Variants in PKD1L3 observed in about 807,000 individuals in gnomAD.
PKD1L3 encodes the protein polycystin 1 like 3, transient receptor potential channel interacting.
In PKD1L3, 239 loss-of-function variants were observed where a neutral mutation model predicts 184.1. The observed-to-expected ratio is 1.30, with a 90% CI of 1.17 to 1.45. PKD1L3 has a LOEUF of 1.45. Ranked by LOEUF, PKD1L3 falls within the 40% of genes most tolerant of loss-of-function variation. The probability of loss-of-function intolerance (pLI) is 0.00; values close to 1 mark genes in which losing one functional copy is unlikely to be tolerated. For synonymous variants in PKD1L3, 996 were observed against 778.8 expected, an observed-to-expected ratio of 1.28 and a Z score of -4.64; for missense variants, 2,660 against 2,067.2, an observed-to-expected ratio of 1.29 and a Z score of -5.56.
intron 22 of PKD1L3, 142 bp from the exon 23 acceptor site, chr16:71,944,312 C>T: frequency 1.2e-6 from 1 of 826,414 alleles, no homozygotes; most frequent in Non-Finnish European, 1.9e-6. Flanking sequence ...TTCTTAAACT[C>T]TCTATTATAA....
At chr16:71,937,485 T>C in intron 24 of PKD1L3, 66 bp from the exon 25 acceptor site, 1 of 1,507,476 alleles carries the variant, frequency 6.6e-7, no homozygotes. Flanking sequence ...TGTTAAACTT[T>C]GTCTTTGAAT....
chr16:71,933,829 C>T (rs1322125615), intron 27 of PKD1L3, 86 bp downstream of exon 27: 1 of 1,434,914 alleles, frequency 7.0e-7, no homozygotes, highest in African/African-American at 1.4e-5. Context: ...CCTCGGGTTT[C>T]TGTGTTGTGA....
intron 12 of PKD1L3, among the ~76,000 whole-genome samples, chr16:71,970,462 C>G (rs1252396615): frequency 6.6e-6 from 1 of 152,080 alleles, no homozygotes; most frequent in African/African-American, 2.4e-5. Flanking sequence ...TACAAATGAA[C>G]AAGTACATAA....
chr16:71,979,738 G>C, intron 9 of PKD1L3, 48 bp downstream of exon 9: 2 of 1,460,140 alleles, frequency 1.4e-6, no homozygotes, highest in Non-Finnish European at 1.8e-6. Context: ...TGCCTACATG[G>C]CCATCAGATC....
chr16:71,964,264 G>A (rs940620388), intron 15 of PKD1L3, among the ~76,000 whole-genome samples: 1 of 141,934 alleles, frequency 7.0e-6, no homozygotes, highest in African/African-American at 2.6e-5. Flanking sequence ...TTTCCCCAAG[G>A]GTCTGTGTTT....
chr16:71,949,644 C>T, intron 21 of PKD1L3, 139 bp downstream of exon 21: 1 of 800,942 alleles, frequency 1.2e-6, no homozygotes, highest in South Asian at 1.8e-5. Flanking sequence ...TGAGCCACTA[C>T]ACCCAGCCTG....
intron 9 of PKD1L3, among the ~76,000 whole-genome samples, chr16:71,979,219 G>C (rs920559629): frequency 5.3e-5 from 8 of 152,154 alleles, no homozygotes; most frequent in Admixed American, 6.5e-5. Context: ...TCAGGTGGGT[G>C]AATCACTTGA....
intron 4 of PKD1L3, among the ~76,000 whole-genome samples, chr16:71,989,474 A>G (rs1374266462): frequency 6.6e-6 from 1 of 152,188 alleles, no homozygotes; most frequent in Non-Finnish European, 1.5e-5. Flanking sequence ...ATACTGTTAG[A>G]AACACTTATT....
chr16:71,963,668 AG>A (rs2039378398), intron 15 of PKD1L3, among the ~76,000 whole-genome samples: 1 of 152,116 alleles, frequency 6.6e-6, no homozygotes. Flanking sequence ...TGTAGTCCTG[AG>A]CTACTTGAAA....
At chr16:71,944,299 T>C (rs1188143159) in intron 22 of PKD1L3, 129 bp from the exon 23 acceptor site, 1 of 899,568 alleles carries the variant, frequency 1.1e-6, no homozygotes, top group East Asian at 2.6e-5. Flanking sequence ...ACCTATGCAG[T>C]GCTTCTTAAA....
intron 2 of PKD1L3, among the ~76,000 whole-genome samples, chr16:71,995,206 G>C (rs542837423): frequency 6.6e-6 from 1 of 152,068 alleles, no homozygotes; most frequent in Non-Finnish European, 1.5e-5. Context: ...CCCTCCCTCT[G>C]CCAAGTCCTT....
At chr16:71,992,202 G>A (rs774840195) in intron 3 of PKD1L3, among the ~76,000 whole-genome samples, 8 of 152,068 alleles carry the variant, frequency 5.3e-5, no homozygotes, top group East Asian at 1.9e-4. Context: ...AGGACCCTAC[G>A]TACATAAATA....
At chr16:71,983,952 C>A (rs764449357) in intron 6 of PKD1L3, 84 bp downstream of exon 6, 1 of 1,499,914 alleles carries the variant, frequency 6.7e-7, no homozygotes, top group Non-Finnish European at 9.0e-7. Context: ...CGTGAGCCAC[C>A]GCACCCAGCC....
intron 15 of PKD1L3, among the ~76,000 whole-genome samples, chr16:71,965,610 G>A (rs893581663): frequency 1.3e-5 from 2 of 151,154 alleles, no homozygotes; most frequent in African/African-American, 4.9e-5. Context: ...TTGGACTGCG[G>A]TGGCACCATC....
intron 7 of PKD1L3, among the ~76,000 whole-genome samples, chr16:71,981,772 C>G (rs1454803703): frequency 2.0e-5 from 3 of 152,076 alleles, no homozygotes; most frequent in South Asian, 2.1e-4. Context: ...AACTCCTGAC[C>G]TCAGGTGATC....
Position 71,942,652 on chromosome 16 carries a change from C to T in PKD1L3, c.4232G>A (p.Cys1411Tyr), listed in dbSNP as rs765710486. Reference protein sequence around the residue: ...GLHLRRFSYICSPRPMVLIPT... With the variant: ...GLHLRRFSYIYSPRPMVLIPT... ...AATCAGCACCATGGGCCTGGGTGAA[C>T]AGATGTAACTGAACCTCCTTAGATG... is the stretch of plus-strand genomic sequence containing the variant. Residue 1411 changes from cysteine (C) to tyrosine (Y), a missense_variant, in exon 24 of 30, where the codon TGT becomes TAT. Cys to Tyr is a radical substitution (Grantham distance 194). Coordinates refer to ENST00000620267, the MANE Select transcript of PKD1L3 (RefSeq NM_181536.2). 5.8e-6 allele frequency: 9 copies of T among 1,551,614 alleles called. No individual in the cohort carries two copies. Among genetic ancestry groups the T allele is most frequent in the Non-Finnish European group, 7.8e-6 (9 of 1,147,018 alleles).
chr16:71,966,605 T>A (rs891324997), intron 15 of PKD1L3, among the ~76,000 whole-genome samples: 4 of 151,618 alleles, frequency 2.6e-5, no homozygotes, highest in Admixed American at 1.3e-4. Flanking sequence ...TTTTTTGAAA[T>A]TTTTTTTGTA....
chr16:71,950,040 AT>A (rs1292635381), intron 20 of PKD1L3, 23 bp from the exon 21 acceptor site: 2 of 1,550,632 alleles, frequency 1.3e-6, no homozygotes, highest in South Asian at 2.4e-5. Flanking sequence ...AGTTGAGGGA[AT>A]AATCTTGTAT....
intron 15 of PKD1L3, among the ~76,000 whole-genome samples, chr16:71,964,104 A>G (rs1398869575): frequency 7.0e-6 from 1 of 142,382 alleles, no homozygotes; most frequent in African/African-American, 2.6e-5. Context: ...CTGAGAGCTC[A>G]TCCTTTTCCC....
Sources: allele counts gnomAD v4.1 joint callset (sites outside exome capture counted in the v4.1 genomes callset), GRCh38; gene constraint gnomAD v4.1.1; transcripts MANE v1.5; gene names NCBI Gene and HGNC (gene_info 2026-07-23, HGNC 2026-07-21).